The following RALYL variants were observed in gnomAD, a reference collection of about 807,000 sequenced individuals.
The protein encoded by RALYL is RALY RNA binding protein like, also known as RNA-binding Raly-like protein.
RALYL carries 29 observed loss-of-function variants against 35.1 expected under a neutral mutation model. The ratio of observed to expected loss-of-function variants is 0.83; its 90% confidence interval spans 0.61 to 1.13. The LOEUF (loss-of-function observed/expected upper bound fraction) is 1.13. Ranked by LOEUF, RALYL falls within the 50% of genes most tolerant of loss-of-function variation. RALYL has a pLI of 0.00. For missense variants in RALYL, 359 were observed against 360.4 expected (o/e 1.00, Z 0.03); for synonymous variants, 120 against 127.6 (o/e 0.94, Z 0.40).
chr8:84,419,511 T>C (rs2045197177), intron 1 of RALYL, among the ~76,000 whole-genome samples: 1 of 152,108 alleles, frequency 6.6e-6, no homozygotes. Flanking sequence ...GAGAAGTCTA[T>C]TAGAACTGCT....
intron 1 of RALYL, among the ~76,000 whole-genome samples, chr8:84,338,230 G>T (rs920724820): frequency 6.6e-6 from 1 of 151,752 alleles, no homozygotes; most frequent in Non-Finnish European, 1.5e-5. Context: ...TCATTTTATA[G>T]GTAAGAGAAA....
intron 1 of RALYL, among the ~76,000 whole-genome samples, chr8:84,201,508 A>G (rs999319386): frequency 2.0e-5 from 3 of 151,952 alleles, no homozygotes; most frequent in African/African-American, 7.3e-5. Context: ...AGCTTTAGGA[A>G]ATGGTATTAG....
At chr8:84,361,063 T>C (rs1017470866) in intron 1 of RALYL, among the ~76,000 whole-genome samples, 1 of 152,054 alleles carries the variant, frequency 6.6e-6, no homozygotes, top group African/African-American at 2.4e-5. Flanking sequence ...TTAGTAAGAA[T>C]GAAATGATTT....
intron 1 of RALYL, among the ~76,000 whole-genome samples, chr8:84,411,451 A>G (rs962269319): frequency 1.3e-5 from 2 of 151,670 alleles, no homozygotes; most frequent in African/African-American, 4.8e-5. Context: ...CTTTAACCAG[A>G]TGATCTCAAA....
chr8:84,311,249 A>G (rs933333602), intron 1 of RALYL, among the ~76,000 whole-genome samples: 18 of 151,768 alleles, frequency 1.2e-4, no homozygotes, highest in Non-Finnish European at 1.9e-4. Flanking sequence ...AAGCAAGGCT[A>G]TTCATTATCA....
intron 2 of RALYL, among the ~76,000 whole-genome samples, chr8:84,721,781 A>G (rs891407198): frequency 3.3e-5 from 5 of 152,178 alleles, no homozygotes; most frequent in African/African-American, 1.2e-4. Flanking sequence ...TTCATGTCAT[A>G]TAATAAATCT....
At chr8:84,795,557 CT>C (rs2133903085) in intron 3 of RALYL, among the ~76,000 whole-genome samples, 1 of 152,292 alleles carries the variant, frequency 6.6e-6, no homozygotes, top group East Asian at 1.9e-4. Context: ...GGTTTATGGA[CT>C]ATATGTCTGG....
At chr8:84,893,792 G>T (rs1844280154) in intron 8 of RALYL, among the ~76,000 whole-genome samples, 1 of 152,152 alleles carries the variant, frequency 6.6e-6, no homozygotes, top group Non-Finnish European at 1.5e-5. Context: ...ACATTTAAAT[G>T]GATTAAGGAG....
chr8:84,654,227 A>G (rs1829443256), intron 2 of RALYL, among the ~76,000 whole-genome samples: 1 of 143,212 alleles, frequency 7.0e-6, no homozygotes, highest in Non-Finnish European at 1.5e-5. Flanking sequence ...AAATTAAAAC[A>G]AAACAAACCA....
intron 2 of RALYL, among the ~76,000 whole-genome samples, chr8:84,676,252 C>T (rs1006997404): frequency 6.6e-6 from 1 of 152,150 alleles, no homozygotes; most frequent in Non-Finnish European, 1.5e-5. Context: ...TATGGATGGC[C>T]AATTTGGGTT....
chr8:84,568,115 T>C (rs1015726955), intron 2 of RALYL, among the ~76,000 whole-genome samples: 2 of 151,534 alleles, frequency 1.3e-5, no homozygotes, highest in African/African-American at 2.4e-5. Context: ...TTGTTACATA[T>C]GTATACATGC....
intron 4 of RALYL, among the ~76,000 whole-genome samples, chr8:84,807,077 T>C (rs1824821046): frequency 6.6e-6 from 1 of 152,164 alleles, no homozygotes; most frequent in South Asian, 2.1e-4. Flanking sequence ...AGTTCTTTAG[T>C]GGTGATTGGT....
chr8:84,659,445 C>T (rs890513449), intron 2 of RALYL, among the ~76,000 whole-genome samples: 2 of 151,978 alleles, frequency 1.3e-5, no homozygotes, highest in Non-Finnish European at 2.9e-5. Flanking sequence ...GAAGAGTGAG[C>T]CTTTGGTCAA....
chr8:84,423,156 G>A (rs1462880695), intron 1 of RALYL, among the ~76,000 whole-genome samples: 2 of 150,830 alleles, frequency 1.3e-5, no homozygotes, highest in Non-Finnish European at 2.9e-5. Flanking sequence ...GGGTGTTAAA[G>A]TCTCCCGTTA....
chr8:84,278,695 A>G (rs1835915858), intron 1 of RALYL, among the ~76,000 whole-genome samples: 1 of 152,206 alleles, frequency 6.6e-6, no homozygotes, highest in African/African-American at 2.4e-5. Flanking sequence ...GTCCCTTTGC[A>G]TAGCAAGAGT....
At chr8:84,415,579 G>C (rs2044609905) in intron 1 of RALYL, among the ~76,000 whole-genome samples, 1 of 152,112 alleles carries the variant, frequency 6.6e-6, no homozygotes, top group East Asian at 1.9e-4. Flanking sequence ...CAGTTTCCTT[G>C]CCAGTATCTA....
chr8:84,592,928 G>T (rs147975168), intron 2 of RALYL, among the ~76,000 whole-genome samples: 38 of 152,074 alleles, frequency 2.5e-4, no homozygotes, highest in African/African-American at 7.0e-4. Context: ...TAGCTTGAAG[G>T]TTGTTTGAGA....
At chr8:84,418,236 G>C (rs755555998) in intron 1 of RALYL, among the ~76,000 whole-genome samples, 14 of 152,098 alleles carry the variant, frequency 9.2e-5, no homozygotes, top group Admixed American at 9.2e-4. Flanking sequence ...TACTGATTAC[G>C]GAACCTTGGG....
chr8:84,628,556 A>G (rs1006951376), intron 2 of RALYL, among the ~76,000 whole-genome samples: 3 of 152,140 alleles, frequency 2.0e-5, no homozygotes, highest in African/African-American at 7.2e-5. Flanking sequence ...GTAAATGAAT[A>G]TATTTTTACA....
Sources: allele counts gnomAD v4.1 joint callset (sites outside exome capture counted in the v4.1 genomes callset), GRCh38; gene constraint gnomAD v4.1.1; transcripts MANE v1.5; gene names NCBI Gene and HGNC (gene_info 2026-07-23, HGNC 2026-07-21).